The following SPAG16 variants were observed in gnomAD, a reference collection of about 807,000 sequenced individuals.
The protein encoded by SPAG16 is sperm associated antigen 16, also known as sperm-associated antigen 16 protein.
In SPAG16, 86 loss-of-function variants were observed where a neutral mutation model predicts 80.4. That is an observed-to-expected ratio of 1.07 (90% CI 0.90 to 1.28). The LOEUF is 1.28. SPAG16 is among the 50% of genes most tolerant of loss of function. The probability of loss-of-function intolerance (pLI) is 0.00; values close to 1 mark genes in which losing one functional copy is unlikely to be tolerated. For synonymous variants in SPAG16, 294 were observed against 265.9 expected, an observed-to-expected ratio of 1.11 and a Z score of -1.03; for missense variants, 870 against 765.3, an observed-to-expected ratio of 1.14 and a Z score of -1.61.
intron 15 of SPAG16, among the ~76,000 whole-genome samples, chr2:214,271,452 A>G (rs773083975): frequency 6.6e-6 from 1 of 152,186 alleles, no homozygotes; most frequent in African/African-American, 2.4e-5. Context: ...ATTATTTCTA[A>G]TCTCCTAATA....
At chr2:213,980,725 T>TATATAGAGAGAGAGAGAGAGAGAG (rs374274176) in intron 12 of SPAG16, among the ~76,000 whole-genome samples, 3 of 104,028 alleles carry the variant, frequency 2.9e-5, no homozygotes, top group African/African-American at 1.5e-4. Context: ...TATATATATA[T>TATATAGAGAGAGAGAGAGAGAGAG]AGAGAGAGAG....
rs987219583 is a variant in SPAG16, at chr2:213,812,859, T to G, written c.1071-49626T>G. 2.6e-5 allele frequency among the ~76,000 whole-genome samples: 4 copies of G among 151,660 alleles called. No homozygotes were observed. The East Asian group carries it at 7.8e-4, about 30-fold the overall frequency. ...CTTTGCTTTGATGCATTGTTTCATA[T>G]GTTATCTTTTTTTTTTGAGTTTCAG... On this transcript the variant is annotated intron_variant, in intron 10 of 15. Transcript: ENST00000331683.
intron 9 of SPAG16, among the ~76,000 whole-genome samples, chr2:213,488,476 ACATTGATAAC>A (rs938363135): frequency 1.3e-5 from 2 of 152,182 alleles, no homozygotes; most frequent in African/African-American, 2.4e-5. Context: ...TCTGTTCATA[ACATTGATAAC>A]CATAAGAGAG....
chr2:213,644,005 T>C (rs1287158542), intron 10 of SPAG16, among the ~76,000 whole-genome samples: 1 of 150,934 alleles, frequency 6.6e-6, no homozygotes, highest in East Asian at 2.0e-4. Context: ...GGTCTTGAAC[T>C]CCTAACCTCA....
At chr2:213,453,744 C>T (rs1275045914) in intron 9 of SPAG16, among the ~76,000 whole-genome samples, 1 of 152,036 alleles carries the variant, frequency 6.6e-6, no homozygotes. Context: ...CTCTCCTGGC[C>T]CAGCCTCAAA....
intron 10 of SPAG16, among the ~76,000 whole-genome samples, chr2:213,513,999 G>A (rs940459687): frequency 4.6e-5 from 7 of 152,126 alleles, no homozygotes; most frequent in African/African-American, 1.7e-4. Context: ...GATTTTGTAA[G>A]GAGAGGAAGG....
intron 10 of SPAG16, among the ~76,000 whole-genome samples, chr2:213,657,733 C>T (rs1232591599): frequency 6.6e-6 from 1 of 151,998 alleles, no homozygotes; most frequent in Non-Finnish European, 1.5e-5. Flanking sequence ...CTCTTAAAAC[C>T]AAAGTTCCCC....
intron 15 of SPAG16, among the ~76,000 whole-genome samples, chr2:214,259,777 G>A (rs1691000817): frequency 6.6e-6 from 1 of 152,020 alleles, no homozygotes; most frequent in Non-Finnish European, 1.5e-5. Flanking sequence ...CATACCAAAA[G>A]CACAATTCCC....
intron 6 of SPAG16, among the ~76,000 whole-genome samples, chr2:213,345,768 G>A (rs2064943310): frequency 6.6e-6 from 1 of 151,864 alleles, no homozygotes; most frequent in Non-Finnish European, 1.5e-5. Flanking sequence ...GTACCGTGCT[G>A]TTTTGGTTAC....
intron 11 of SPAG16, among the ~76,000 whole-genome samples, chr2:213,895,093 T>A (rs2076944236): frequency 7.5e-6 from 1 of 133,544 alleles, no homozygotes; most frequent in Non-Finnish European, 1.6e-5. Context: ...AAAATCAACA[T>A]ACAAAAATCA....
chr2:214,326,069 A>T (rs1696455200), intron 15 of SPAG16, among the ~76,000 whole-genome samples: 1 of 152,148 alleles, frequency 6.6e-6, no homozygotes, highest in Non-Finnish European at 1.5e-5. Flanking sequence ...TAGTGGATTG[A>T]ATAGCCCCTC....
intron 15 of SPAG16, among the ~76,000 whole-genome samples, chr2:214,243,426 TTAAC>T (rs1395135017): frequency 6.6e-6 from 1 of 152,098 alleles, no homozygotes; most frequent in African/African-American, 2.4e-5. Context: ...CTCATAAAAT[TTAAC>T]TATAGTACCT....
intron 11 of SPAG16, among the ~76,000 whole-genome samples, chr2:213,912,431 CAAAT>C (rs1427390441): frequency 1.3e-5 from 2 of 151,840 alleles, no homozygotes; most frequent in South Asian, 2.1e-4. Context: ...AAAAATTAAA[CAAAT>C]AGCTGAGAAA....
At chr2:213,579,330 C>A (rs1478417330) in intron 10 of SPAG16, among the ~76,000 whole-genome samples, 1 of 152,132 alleles carries the variant, frequency 6.6e-6, no homozygotes, top group Non-Finnish European at 1.5e-5. Flanking sequence ...TACAGAAGGG[C>A]AGTTGCCCAG....
chr2:213,572,318 G>A (rs368864028), intron 10 of SPAG16, among the ~76,000 whole-genome samples: 3 of 85,342 alleles, frequency 3.5e-5, no homozygotes, highest in African/African-American at 1.1e-4. Context: ...GGCGCTCTGC[G>A]TTTTAGAGTT....
At chr2:213,819,821 A>T (rs796462385) in intron 10 of SPAG16, among the ~76,000 whole-genome samples, 1 of 151,966 alleles carries the variant, frequency 6.6e-6, no homozygotes, top group African/African-American at 2.4e-5. Flanking sequence ...CAATGGCACA[A>T]TCTCGGCTCA....
At chr2:214,023,588 C>T (rs2047992945) in intron 13 of SPAG16, among the ~76,000 whole-genome samples, 1 of 151,430 alleles carries the variant, frequency 6.6e-6, no homozygotes, top group Non-Finnish European at 1.5e-5. Flanking sequence ...TCAAATAATC[C>T]AATTGTTTGA....
chr2:213,787,618 A>G (rs1051875156), intron 10 of SPAG16, among the ~76,000 whole-genome samples: 1 of 152,110 alleles, frequency 6.6e-6, no homozygotes, highest in African/African-American at 2.4e-5. Context: ...ATCAAATTAC[A>G]TTATAGGATA....
chr2:214,237,986 A>C (rs940013937), intron 15 of SPAG16: 2 of 265,142 alleles, frequency 7.5e-6, no homozygotes, highest in Non-Finnish European at 1.5e-5. Context: ...GATTTAGAGC[A>C]TTATATCTAA....
Sources: allele counts gnomAD v4.1 joint callset (sites outside exome capture counted in the v4.1 genomes callset), GRCh38; gene constraint gnomAD v4.1.1; transcripts MANE v1.5; gene names NCBI Gene and HGNC (gene_info 2026-07-23, HGNC 2026-07-21).